RABGEF1: variants seen among roughly 807,000 people sequenced by gnomAD.
RABGEF1 encodes the protein RAB guanine nucleotide exchange factor 1.
Under a neutral mutation model 57.3 loss-of-function variants are expected in RABGEF1, and 26 were observed. That is an observed-to-expected ratio of 0.45 (90% confidence interval 0.33 to 0.63). The LOEUF (loss-of-function observed/expected upper bound fraction) is 0.63. RABGEF1 is among the 20% of genes least tolerant of loss of function. The pLI is 0.02. For synonymous variants in RABGEF1, 185 were observed against 210.7 expected (o/e 0.88, Z 1.06); for missense variants, 464 against 607.6 (o/e 0.76, Z 2.48).
intron 4 of RABGEF1, among the ~76,000 whole-genome samples, chr7:66,795,089 A>G (rs1262935918): frequency 2.0e-5 from 3 of 152,168 alleles, no homozygotes; most frequent in Non-Finnish European, 4.4e-5. Context: ...CACCATTTGT[A>G]GCAGGGAGGA....
Position 66,733,766 on chromosome 7 carries a change from G to C in RABGEF1, c.-814-6230G>C, listed in dbSNP as rs146567776. ...GCCTATAATCCCAGCACTTTGGGAG[G>C]CTGAGACGGGCAGATCATTTGAGGT... On this transcript the variant is annotated intron_variant and NMD_transcript_variant, in intron 2 of 9. Coordinates refer to the RABGEF1 transcript ENST00000607882. Among the ~76,000 whole-genome samples, 1,520 of 152,238 alleles carry C rather than the reference G, an allele frequency of 1.0e-2. 13 individuals are homozygous for C. The highest frequency in any genetic ancestry group is 0.034 in the Middle Eastern group (10 of 294).
intron 8 of RABGEF1, among the ~76,000 whole-genome samples, chr7:66,806,873 A>G (rs902893428): frequency 1.3e-5 from 2 of 152,052 alleles, no homozygotes; most frequent in African/African-American, 4.8e-5. Flanking sequence ...CGAACTCCTG[A>G]CCTCAAGCAA....
chr7:66,720,149 G>A (rs79535596), intron 2 of RABGEF1, among the ~76,000 whole-genome samples: 14,246 of 149,084 alleles, frequency 0.096, 771 homozygotes, highest in Non-Finnish European at 0.11. Context: ...AGAAGCATTT[G>A]ACAACATTCA....
chr7:66,804,706 C>T (rs971435902), intron 7 of RABGEF1, among the ~76,000 whole-genome samples: 8 of 149,380 alleles, frequency 5.4e-5, no homozygotes, highest in African/African-American at 2.0e-4. Context: ...CTGCACTCTC[C>T]AGCCTGGGCA....
chr7:66,809,284 A>G lies in RABGEF1; in HGVS notation c.1476A>G (p.Ter492TrpextTer14). ...PPLQPQVYAG[*>W] The stretch of plus-strand genomic sequence containing the variant: ...TGCAACCTCAAGTTTATGCAGGATG[A>G]TCACAATTTAGTGGAGAGTATTTAT... Residue 492 changes from the stop codon to tryptophan, a stop_lost, in exon 9 of 9, where the codon TGA becomes TGG. Transcript: ENST00000284957. The G allele has an allele frequency of 6.2e-7, 1 of 1,603,714 alleles. No homozygotes were observed. The highest frequency in any genetic ancestry group is 8.5e-7 in the Non-Finnish European group (1 of 1,173,206).
the RABGEF1 span, among the ~76,000 whole-genome samples, chr7:66,656,356 A>G: frequency 2.0e-5 from 3 of 152,236 alleles, no homozygotes; most frequent in South Asian, 2.1e-4. Context: ...GACTCAAGCA[A>G]TCCTCCCGCC....
At chr7:66,762,827 C>G (rs1353362654) in intron 1 of RABGEF1, among the ~76,000 whole-genome samples, 3 of 151,996 alleles carry the variant, frequency 2.0e-5, no homozygotes, top group Admixed American at 2.0e-4. Flanking sequence ...TTCACAGAGG[C>G]TAGTGAAGGC....
At chr7:66,777,563 T>C (rs1419494391) in intron 3 of RABGEF1, among the ~76,000 whole-genome samples, 6 of 152,184 alleles carry the variant, frequency 3.9e-5, no homozygotes, top group Non-Finnish European at 7.3e-5. Context: ...CAAAAGCCTC[T>C]GTACAGTGTG....
At position 66,795,860 on chromosome 7, in the gene RABGEF1, C is replaced by T. The variant is rs147403852; in HGVS notation, c.595+268C>T. Among the ~76,000 whole-genome samples, 15 of 152,294 alleles carry T rather than the reference C, an allele frequency of 9.8e-5. No individual in the cohort carries two copies. The East Asian group carries it at 2.9e-3, about 29-fold the overall frequency. ...GGAGCTGACGAAAACATCTTAGGGC[C>T]TGGCTCAGTAGCTCATGCCTGTAAT... On this transcript the variant is annotated intron_variant, in intron 5 of 8. Transcript: ENST00000284957.
chr7:66,778,179 A>T (rs1157409854), intron 3 of RABGEF1, among the ~76,000 whole-genome samples: 1 of 152,204 alleles, frequency 6.6e-6, no homozygotes, highest in Admixed American at 6.6e-5. Flanking sequence ...TGGATTCTGT[A>T]TTCTTGAATC....
At chr7:66,803,454 G>A (rs1332319219) in intron 7 of RABGEF1, among the ~76,000 whole-genome samples, 1 of 152,216 alleles carries the variant, frequency 6.6e-6, no homozygotes, top group Non-Finnish European at 1.5e-5. Flanking sequence ...GTTGCTGGCC[G>A]ATGTGCAACC....
intron 1 of RABGEF1, among the ~76,000 whole-genome samples, chr7:66,744,982 C>T (rs113256523): frequency 7.9e-4 from 120 of 151,888 alleles, no homozygotes; most frequent in Non-Finnish European, 1.4e-3. Context: ...CATGAGGTCA[C>T]GAGATCCAGA....
At chr7:66,767,485 A>G (rs1806033601) in intron 1 of RABGEF1, among the ~76,000 whole-genome samples, 3 of 152,320 alleles carry the variant, frequency 2.0e-5, no homozygotes, top group South Asian at 2.1e-4. Flanking sequence ...TCCTACCCCT[A>G]GTTCCTAAAT....
intron 5 of RABGEF1, among the ~76,000 whole-genome samples, chr7:66,795,881 G>A (rs1340103682): frequency 2.0e-5 from 3 of 152,212 alleles, no homozygotes; most frequent in Non-Finnish European, 4.4e-5. Context: ...GCTCATGCCT[G>A]TAATCCCAGC....
intron 1 of RABGEF1, among the ~76,000 whole-genome samples, chr7:66,705,479 G>GAGAGAGAC: frequency 6.8e-6 from 1 of 146,598 alleles, no homozygotes; most frequent in South Asian, 2.4e-4. Context: ...GAGAGAGAGA[G>GAGAGAGAC]AGAGAGAGGA....
chr7:66,674,797 G>T, the RABGEF1 span, among the ~76,000 whole-genome samples: 21 of 151,714 alleles, frequency 1.4e-4, no homozygotes, highest in Admixed American at 3.9e-4. Flanking sequence ...GCTTCCGTAG[G>T]GATTAACTGG....
intron 2 of RABGEF1, among the ~76,000 whole-genome samples, chr7:66,719,889 T>C (rs146695507): frequency 1.1e-3 from 160 of 152,324 alleles, no homozygotes; most frequent in African/African-American, 3.6e-3. Context: ...ATTTACTGAC[T>C]TTACAGAACA....
chr7:66,667,816 G>C, the RABGEF1 span, among the ~76,000 whole-genome samples: 21 of 152,250 alleles, frequency 1.4e-4, no homozygotes, highest in African/African-American at 4.8e-4. Flanking sequence ...ATTTATGTTT[G>C]AGATGGAGTC....
intron 7 of RABGEF1, among the ~76,000 whole-genome samples, chr7:66,803,020 C>T (rs1341245489): frequency 6.6e-6 from 1 of 152,104 alleles, no homozygotes; most frequent in Non-Finnish European, 1.5e-5. Context: ...TTTAAAAAAT[C>T]TTACCCAATC....
Sources: gnomAD v4.1 joint callset for allele counts (sites outside exome capture counted in the v4.1 genomes callset) on GRCh38, gnomAD v4.1.1 for gene constraint, MANE v1.5 for transcripts, NCBI Gene and HGNC (gene_info 2026-07-23, HGNC 2026-07-21) for gene names.